Variants in CC2D2B observed in about 807,000 individuals in gnomAD.
CC2D2B encodes the protein coiled-coil and C2 domain containing 2B.
A neutral mutation model predicts 161.2 loss-of-function variants in CC2D2B; 128 were observed. The ratio of observed to expected loss-of-function variants is 0.79; its 90% CI spans 0.69 to 0.92. The LOEUF (loss-of-function observed/expected upper bound fraction) is 0.92. CC2D2B is among the 40% of genes least tolerant of loss of function. The pLI is 0.00. For synonymous variants in CC2D2B, 391 were observed against 449.8 expected, an observed-to-expected ratio of 0.87 and a Z score of 1.65; for missense variants, 1,173 against 1,375.1, an observed-to-expected ratio of 0.85 and a Z score of 2.32.
intron 29 of CC2D2B, 74 bp from the exon 30 acceptor site, chr10:96,016,127 C>A: frequency 1.1e-6 from 1 of 892,554 alleles, no homozygotes; most frequent in South Asian, 1.4e-5. Flanking sequence ...TGCTCCGCAT[C>A]AGTTGGATGC....
At chr10:95,969,985 A>G (rs2077067166) in intron 15 of CC2D2B, among the ~76,000 whole-genome samples, 1 of 152,146 alleles carries the variant, frequency 6.6e-6, no homozygotes, top group Non-Finnish European at 1.5e-5. Flanking sequence ...AAAAATTGCA[A>G]AATAAATCGA....
chr10:96,014,879 A>G (rs542414226), intron 29 of CC2D2B, among the ~76,000 whole-genome samples: 4 of 152,030 alleles, frequency 2.6e-5, no homozygotes, highest in Non-Finnish European at 5.9e-5. Flanking sequence ...CCTAACCCCC[A>G]TCCTTCACCA....
In CC2D2B at chr10:95,950,883, G is replaced by C. The variant is rs183615600; in HGVS notation, c.1011+778G>C. ...CGCCGAGGCTAGAGTGCAGTGGCGT[G>C]ATCTTGGCTCACTGCAACCTCTACC... On this transcript the variant is annotated intron_variant, in intron 10 of 34. Transcript: ENST00000646931. 1.4e-3 allele frequency among the ~76,000 whole-genome samples: 210 copies of C among 151,956 alleles called. 2 individuals are homozygous for C. The highest frequency in any genetic ancestry group is 0.012 in the Admixed American group (186 of 15,262).
intron 29 of CC2D2B, 100 bp from the exon 30 acceptor site, chr10:96,016,101 C>T (rs915428839): frequency 3.3e-5 from 24 of 725,004 alleles, no homozygotes; most frequent in Middle Eastern, 4.7e-4. Context: ...GTGTTTGGAA[C>T]TGGAGTGAGT....
At chr10:95,960,848 G>A (rs913355636) in intron 11 of CC2D2B, among the ~76,000 whole-genome samples, 1 of 152,110 alleles carries the variant, frequency 6.6e-6, no homozygotes, top group Admixed American at 6.6e-5. Context: ...TGCACTTTAA[G>A]TAAGAATCCC....
chr10:95,993,794 T>G (rs115060581), intron 22 of CC2D2B, among the ~76,000 whole-genome samples: 3,514 of 137,872 alleles, frequency 0.025, 58 homozygotes, highest in African/African-American at 0.033. Context: ...TATATATATA[T>G]AGAGAGAGAG....
Position 95,983,702 on chromosome 10 carries a change from A to G in CC2D2B, c.2179A>G (p.Ser727Gly), listed in dbSNP as rs2077615324. The G allele has an allele frequency of 8.1e-7, 1 of 1,230,868 alleles. No homozygotes were observed. The highest frequency in any genetic ancestry group is 1.0e-6 in the Non-Finnish European group (1 of 986,880). The allele number at this position is 1,230,868 out of a possible 1,614,324, so 76.2% of individuals were successfully genotyped here. Residue 727 changes from serine (S) to glycine (G), a missense_variant, in exon 19 of 35, where the codon AGT becomes GGT. By Grantham distance (56) the Ser-to-Gly change is moderately conservative. Transcript: ENST00000646931. ...NFVSEEEMAK[S>G]KRFQLLQLRN... is the part of the protein sequence containing the mutation. ...CGTTTCTGAAGAGGAAATGGCAAAG[A>G]GTAAACGTTTCCAGCTATTGCAACT... is the stretch of plus-strand genomic sequence containing the variant.
chr10:95,982,355 C>G (rs2141596180), intron 18 of CC2D2B, among the ~76,000 whole-genome samples: 1 of 152,310 alleles, frequency 6.6e-6, no homozygotes, highest in African/African-American at 2.4e-5. Flanking sequence ...CACTACTTAG[C>G]AGCCACAGCA....
chr10:96,000,230 C>T, intron 24 of CC2D2B: 1 of 1,254,578 alleles, frequency 8.0e-7, no homozygotes, highest in Non-Finnish European at 1.0e-6. Flanking sequence ...TTCTTCTTTT[C>T]CTTTGCGTTC....
Position 95,998,932 on chromosome 10 carries a change from ATGGTG to A in CC2D2B, c.2849+2681_2849+2685del, listed in dbSNP as rs2078344545. Among the ~76,000 whole-genome samples, 12 of 152,090 alleles carry A rather than the reference ATGGTG, an allele frequency of 7.9e-5. No homozygotes were observed. The East Asian group carries it at 2.3e-3, about 29-fold the overall frequency. ...AGAGTTTGAGACCAGCCTGGCCAAG[ATGGTG>A]AGCTGTGCTGGTGGATGCCTGTAAT... On this transcript the variant is annotated intron_variant, in intron 24 of 34. Coordinates refer to ENST00000646931, the MANE Select transcript of CC2D2B (RefSeq NM_001349008.3).
At chr10:96,027,630 G>GA (rs1282660580) in intron 34 of CC2D2B, among the ~76,000 whole-genome samples, 1 of 151,892 alleles carries the variant, frequency 6.6e-6, no homozygotes, top group Non-Finnish European at 1.5e-5. Context: ...CACAGAAATA[G>GA]AAAAAACAAT....
intron 5 of CC2D2B, 100 bp downstream of exon 5, chr10:95,924,944 A>G (rs945880852): frequency 3.0e-6 from 2 of 664,740 alleles, no homozygotes; most frequent in Non-Finnish European, 5.2e-6. Context: ...TGACTCAATG[A>G]TTTCTAGTTA....
At chr10:95,953,137 A>C (rs1161638041) in intron 10 of CC2D2B, among the ~76,000 whole-genome samples, 1 of 152,174 alleles carries the variant, frequency 6.6e-6, no homozygotes, top group Non-Finnish European at 1.5e-5. Flanking sequence ...TATGTCTTTT[A>C]AATATGTTTT....
rs2142002543 is a variant in CC2D2B at position 96,032,889 on chromosome 10, C to T, written c.*881C>T. On this transcript the variant is annotated 3_prime_UTR_variant, in exon 35 of 35. Transcript: ENST00000646931. The stretch of plus-strand genomic sequence containing the variant: ...ACTCTGCCTCTGGCACTTTTTGCTG[C>T]TTTTCTTTCTTAGTAGTGGCTTATC... The T allele has an allele frequency of 2.4e-6, 1 of 420,186 alleles. No homozygotes were observed. Among genetic ancestry groups the T allele is most frequent in the South Asian group, 1.9e-5 (1 of 53,892 alleles). The allele number at this position is 420,186 out of a possible 1,614,324, so 26.0% of individuals were successfully genotyped here. A position where few individuals can be genotyped will look rare whatever the true frequency, so the allele number is the denominator to read the frequency against.
intron 31 of CC2D2B, 39 bp from the exon 32 acceptor site, chr10:96,019,663 C>T (rs368582448): frequency 2.0e-6 from 3 of 1,521,320 alleles, no homozygotes; most frequent in Non-Finnish European, 2.6e-6. Context: ...CCTTGTGTTC[C>T]TATGGACCTA....
intron 15 of CC2D2B, among the ~76,000 whole-genome samples, chr10:95,971,332 T>C (rs1402196505): frequency 6.8e-6 from 1 of 146,324 alleles, no homozygotes; most frequent in East Asian, 2.0e-4. Context: ...GAGGTTGCAG[T>C]GAGCAGTGAT....
chr10:95,989,463 C>T (rs2077862830), intron 20 of CC2D2B, among the ~76,000 whole-genome samples: 1 of 152,170 alleles, frequency 6.6e-6, no homozygotes, highest in Non-Finnish European at 1.5e-5. Context: ...CATCCCCTGC[C>T]TCTCTTACTT....
chr10:95,962,007 A>T (rs2901895), intron 12 of CC2D2B, 38 bp downstream of exon 12: 2 of 1,227,180 alleles, frequency 1.6e-6, no homozygotes, highest in South Asian at 4.1e-5. Flanking sequence ...TGGTCTCCTG[A>T]GGAACTTCTC....
At chr10:96,013,529 A>G (rs2141869695) in intron 28 of CC2D2B, among the ~76,000 whole-genome samples, 1 of 151,686 alleles carries the variant, frequency 6.6e-6, no homozygotes, top group East Asian at 1.9e-4. Context: ...TAAATAAAAT[A>G]TAATGGTTAC....
Sources: allele counts gnomAD v4.1 joint callset (sites outside exome capture counted in the v4.1 genomes callset), GRCh38; gene constraint gnomAD v4.1.1; transcripts MANE v1.5; gene names NCBI Gene and HGNC (gene_info 2026-07-23, HGNC 2026-07-21).